The following CCDC88C variants were observed in gnomAD, a reference collection of about 807,000 sequenced individuals.
The protein encoded by CCDC88C is coiled-coil and HOOK domain protein 88C.
Under a neutral mutation model 198.8 loss-of-function variants are expected in CCDC88C, and 131 were observed. The observed-to-expected ratio is 0.66, with a 90% CI of 0.57 to 0.76. The LOEUF (loss-of-function observed/expected upper bound fraction) is 0.76. CCDC88C is among the 30% of genes least tolerant of loss of function. The pLI, the probability that CCDC88C is intolerant of heterozygous loss-of-function variation, is 0.00. For missense variants in CCDC88C, 2,553 were observed against 2,631.6 expected, an observed-to-expected ratio of 0.97 and a Z score of 0.65; for synonymous variants, 1,166 against 1,114.7, an observed-to-expected ratio of 1.05 and a Z score of -0.92.
intron 27 of CCDC88C, chr14:91,279,620 C>CA (rs966016180): frequency 1.5e-4 from 34 of 226,306 alleles, no homozygotes; most frequent in African/African-American, 2.3e-4. Flanking sequence ...AGAGGGCAGA[C>CA]AAAAAAAAGG....
In CCDC88C at chr14:91,322,234, G is replaced by A. The variant is rs183476914; in HGVS notation, c.1343-930C>T. ...CACCCCAGGGGCTGTGGGTACAGGGGGGTGATGGCTTTCACAGCAAACACA... is the reference window on the plus strand; with the variant it reads ...CACCCCAGGGGCTGTGGGTACAGGGAGGTGATGGCTTTCACAGCAAACACA... On this transcript the variant is annotated intron_variant, in intron 12 of 29. Transcript: ENST00000389857. Among the ~76,000 whole-genome samples the A allele has an allele frequency of 3.7e-3, 570 of 152,302 alleles. 1 individual carries two copies. Among genetic ancestry groups the A allele is most frequent in the Middle Eastern group, 0.02 (6 of 294 alleles).
intron 10 of CCDC88C, among the ~76,000 whole-genome samples, chr14:91,328,291 A>G (rs1354894249): frequency 6.6e-6 from 1 of 152,196 alleles, no homozygotes; most frequent in Non-Finnish European, 1.5e-5. Flanking sequence ...GGTAACAGAA[A>G]CATCTCGAGT....
At chr14:91,302,259 T>A (rs1164547684) in intron 20 of CCDC88C, among the ~76,000 whole-genome samples, 1 of 152,202 alleles carries the variant, frequency 6.6e-6, no homozygotes, top group Non-Finnish European at 1.5e-5. Flanking sequence ...TTAGCCATGT[T>A]GTTGAGGCGG....
At chr14:91,278,354 A>G in intron 28 of CCDC88C, 143 bp from the exon 29 acceptor site, 1 of 752,878 alleles carries the variant, frequency 1.3e-6, no homozygotes, top group Non-Finnish European at 2.0e-6. Flanking sequence ...TATTCCCACC[A>G]GGCTGAAAGT....
chr14:91,356,852 G>C (rs1894056279), intron 4 of CCDC88C, among the ~76,000 whole-genome samples: 1 of 152,160 alleles, frequency 6.6e-6, no homozygotes, highest in East Asian at 1.9e-4. Flanking sequence ...CCAGATGGTA[G>C]TGGAAGGGGA....
intron 25 of CCDC88C, 94 bp downstream of exon 25, chr14:91,289,011 G>T: frequency 1.0e-6 from 1 of 997,900 alleles, no homozygotes; most frequent in Non-Finnish European, 1.5e-6. Flanking sequence ...CCCACCCCTG[G>T]CACGTTCCTG....
rs367913869 is a variant in CCDC88C at position 91,306,861 on chromosome 14, G to C, written c.3195+177C>G. Among the ~76,000 whole-genome samples, 16 of 152,330 alleles carry C rather than the reference G, an allele frequency of 1.1e-4. No individual in the cohort carries two copies. In the South Asian group the frequency reaches 2.9e-3, roughly 28 times the overall value. ...TGTGTGCCCCTGATGTGAGAATCAC[G>C]GAAGGGACCTCAAATGAAGAGGGGC... On this transcript the variant is annotated intron_variant, in intron 18 of 29. Transcript: ENST00000389857.
At chr14:91,393,498 T>C (rs1226375215) in intron 3 of CCDC88C, among the ~76,000 whole-genome samples, 2 of 152,172 alleles carry the variant, frequency 1.3e-5, no homozygotes, top group African/African-American at 4.8e-5. Flanking sequence ...TGGCTTCCTC[T>C]GAAGGTCTGG....
At position 91,272,995 on chromosome 14, in the gene CCDC88C, G is replaced by T. The variant is rs544985217; in HGVS notation, c.5717C>A (p.Pro1906His). ...LAPLHQSATA[P>H]AIATAGAGAA... ...ACCAGCACCTGCAGTGGCAATGGCG[G>T]GGGCTGTGGCAGACTGATGCAGGGG... Residue 1906 changes from proline to histidine, a missense_variant, in exon 30 of 30, where the codon CCC becomes CAC. By Grantham distance (77) the Pro-to-His change is moderately conservative. This residue lies in a region of CCDC88C where 1,293 missense variants were observed against 1,219.6 expected (regional missense o/e 1.06). Coordinates refer to ENST00000389857, the MANE Select transcript of CCDC88C (RefSeq NM_001080414.4). 5 of 1,553,526 alleles carry T rather than the reference G, an allele frequency of 3.2e-6. No homozygotes were observed. In the African/African-American group the frequency reaches 5.4e-5, roughly 17 times the overall value.
At position 91,279,303 on chromosome 14, in the gene CCDC88C, G is replaced by A. The variant is rs752668368; in HGVS notation, c.4703C>T (p.Ser1568Leu). Residue 1568 changes from serine to leucine, a missense_variant, in exon 28 of 30, where the codon TCG becomes TTG. This residue lies in a region of CCDC88C where 1,293 missense variants were observed against 1,219.6 expected (regional missense o/e 1.06). Transcript: ENST00000389857. ...ACTGCTCTCTAAGCTACTTGGCCGC[G>A]ACACTGAAAGGAAATGGCAGTGTTA... ...FEVPNHRQYV[S>L]RPSSLESSRN... 12 of 1,597,932 alleles carry A rather than the reference G, an allele frequency of 7.5e-6. No individual in the cohort carries two copies. Among genetic ancestry groups the A allele is most frequent in the South Asian group, 1.1e-5 (1 of 88,434 alleles).
At position 91,384,583 on chromosome 14, in the gene CCDC88C, G is replaced by C. The variant is rs190352333; in HGVS notation, c.270+24076C>G. 2.2e-4 allele frequency: 102 copies of C among 454,038 alleles called. No homozygotes were observed. In the East Asian group the frequency reaches 5.1e-3, roughly 23 times the overall value. 28.1% of individuals were successfully genotyped at this position (454,038 alleles called of 1,614,324 possible). ...AATAATAAACCAAAAATTCTCAGGT[G>C]GAAAAACTATGACCTTCACTATTGT... On this transcript the variant is annotated intron_variant, in intron 3 of 29. Coordinates refer to ENST00000389857, the MANE Select transcript of CCDC88C (RefSeq NM_001080414.4).
chr14:91,340,130 G>C, intron 6 of CCDC88C, 106 bp from the exon 7 acceptor site: 1 of 1,468,018 alleles, frequency 6.8e-7, no homozygotes, highest in Non-Finnish European at 9.3e-7. Flanking sequence ...TAATCCCTCA[G>C]TGACAAATTT....
At chr14:91,304,529 T>TC (rs1350733341) in intron 19 of CCDC88C, among the ~76,000 whole-genome samples, 5 of 152,186 alleles carry the variant, frequency 3.3e-5, no homozygotes, top group African/African-American at 1.2e-4. Context: ...TTGGAGGTTA[T>TC]AGTGAGCTAT....
chr14:91,370,638 C>G (rs17127288), intron 3 of CCDC88C, among the ~76,000 whole-genome samples: 15,100 of 152,224 alleles, frequency 0.099, 916 homozygotes, highest in Non-Finnish European at 0.14. Flanking sequence ...AACCATTTTA[C>G]AAGAGGAATG....
Position 91,393,077 on chromosome 14 carries a change from T to C in CCDC88C, c.270+15582A>G, listed in dbSNP as rs1218331759. ...GCTCCCGGAAACGGCCCCTGGGCAC[T>C]GGGCTGGGCATTTCCCAGGCACCAA... On this transcript the variant is annotated intron_variant, in intron 3 of 29. Transcript: ENST00000389857. Among the ~76,000 whole-genome samples, 10 of 152,296 alleles carry C rather than the reference T, an allele frequency of 6.6e-5. No individual in the cohort carries two copies. The South Asian group carries it at 1.9e-3, about 28-fold the overall frequency.
intron 3 of CCDC88C, among the ~76,000 whole-genome samples, chr14:91,402,213 CT>C (rs1232852766): frequency 2.0e-5 from 3 of 152,156 alleles, no homozygotes; most frequent in Non-Finnish European, 4.4e-5. Flanking sequence ...GAGGTTGAGA[CT>C]GCAGTGAGCT....
chr14:91,341,591 A>G (rs1202224066), intron 6 of CCDC88C, among the ~76,000 whole-genome samples: 1 of 152,258 alleles, frequency 6.6e-6, no homozygotes, highest in Non-Finnish European at 1.5e-5. Flanking sequence ...TCATGTATTT[A>G]TCTCATCTGT....
At chr14:91,283,710 G>C in intron 25 of CCDC88C, 193 bp from the exon 26 acceptor site, 1 of 602,476 alleles carries the variant, frequency 1.7e-6, no homozygotes, top group Non-Finnish European at 2.9e-6. Context: ...CTTGGCTTCA[G>C]GTGGTGTCAG....
At chr14:91,378,269 G>C (rs796969245) in intron 3 of CCDC88C, among the ~76,000 whole-genome samples, 22 of 152,270 alleles carry the variant, frequency 1.4e-4, no homozygotes, top group African/African-American at 5.3e-4. Context: ...GGAGGGACAG[G>C]GGGTGACAAG....
Sources: gnomAD v4.1 joint callset for allele counts (sites outside exome capture counted in the v4.1 genomes callset) on GRCh38, gnomAD v4.1.1 for gene constraint, gnomAD v4.1.1 regional missense constraint, MANE v1.5 for transcripts, NCBI Gene and HGNC (gene_info 2026-07-23, HGNC 2026-07-21) for gene names.